The following ATRNL1 variants were observed in gnomAD, a reference collection of about 807,000 sequenced individuals.
ATRNL1 encodes attractin like 1, also known as attractin-like protein 1.
A neutral mutation model predicts 182.7 loss-of-function variants in ATRNL1; 95 were observed. The ratio of observed to expected loss-of-function variants is 0.52; its 90% CI spans 0.44 to 0.62. The LOEUF (loss-of-function observed/expected upper bound fraction) is 0.62. ATRNL1 is among the 20% of genes least tolerant of loss of function. ATRNL1 has a pLI of 0.00. For missense variants in ATRNL1, 1,471 were observed against 1,679.5 expected (o/e 0.88, Z 2.17); for synonymous variants, 576 against 568.3 (o/e 1.01, Z -0.19).
chr10:115,648,352 T>C (rs1341455129), intron 26 of ATRNL1, among the ~76,000 whole-genome samples: 1 of 152,070 alleles, frequency 6.6e-6, no homozygotes, highest in East Asian at 1.9e-4. Flanking sequence ...ATAGAAAGAA[T>C]CAATACCATG....
intron 24 of ATRNL1, among the ~76,000 whole-genome samples, chr10:115,499,294 A>C (rs1036949935): frequency 2.0e-5 from 3 of 152,200 alleles, no homozygotes; most frequent in Non-Finnish European, 4.4e-5. Flanking sequence ...TGTAGATATA[A>C]AATTCTACAT....
At chr10:115,116,467 G>A (rs1844489819) in intron 1 of ATRNL1, among the ~76,000 whole-genome samples, 1 of 151,940 alleles carries the variant, frequency 6.6e-6, no homozygotes, top group African/African-American at 2.4e-5. Flanking sequence ...TGGAAAACTA[G>A]GTGTTTATGG....
rs151090033 is a variant in ATRNL1, at chr10:115,417,589, C to T, written c.3270-8661C>T. Among the ~76,000 whole-genome samples the T allele has an allele frequency of 8.3e-3, 1,266 of 152,292 alleles. 8 individuals carry two copies. The highest frequency in any genetic ancestry group is 0.012 in the Non-Finnish European group (797 of 68,036). On this transcript the variant is annotated intron_variant, in intron 20 of 28. Coordinates refer to ENST00000355044, the MANE Select transcript of ATRNL1 (RefSeq NM_207303.4). ...GAGGTGGGCTATCCAACCTTTGTCCCACAGTAGATCCTGAGGGGACCCAGC... is the reference window on the plus strand; with the variant it reads ...GAGGTGGGCTATCCAACCTTTGTCCTACAGTAGATCCTGAGGGGACCCAGC...
intron 27 of ATRNL1, among the ~76,000 whole-genome samples, chr10:115,830,847 G>A (rs1167617027): frequency 1.3e-5 from 2 of 152,102 alleles, no homozygotes; most frequent in African/African-American, 4.8e-5. Context: ...CCTCTCTGAT[G>A]TCAGCTAATT....
intron 20 of ATRNL1, among the ~76,000 whole-genome samples, chr10:115,409,235 C>T (rs1845012498): frequency 6.6e-6 from 1 of 152,022 alleles, no homozygotes; most frequent in African/African-American, 2.4e-5. Context: ...GCATTCTCCT[C>T]AATTTTATCA....
At chr10:115,272,011 A>G (rs1392013667) in intron 13 of ATRNL1, among the ~76,000 whole-genome samples, 1 of 152,132 alleles carries the variant, frequency 6.6e-6, no homozygotes, top group Non-Finnish European at 1.5e-5. Context: ...GTTTAAAAGT[A>G]TGTGGCAACT....
intron 28 of ATRNL1, among the ~76,000 whole-genome samples, chr10:115,892,959 T>C (rs1952115963): frequency 1.3e-5 from 2 of 152,238 alleles, no homozygotes; most frequent in Admixed American, 1.3e-4. Context: ...GACAAGTTGC[T>C]TTTAAAAATT....
chr10:115,243,476 A>G (rs558049378), intron 10 of ATRNL1, among the ~76,000 whole-genome samples: 1 of 152,048 alleles, frequency 6.6e-6, no homozygotes, highest in Non-Finnish European at 1.5e-5. Flanking sequence ...GCATGGTACT[A>G]TTATCCTAAT....
At chr10:115,184,725 TAAAA>T (rs1220932952) in intron 8 of ATRNL1, among the ~76,000 whole-genome samples, 2 of 151,424 alleles carry the variant, frequency 1.3e-5, no homozygotes, top group Non-Finnish European at 3.0e-5. Flanking sequence ...AACAATTAAA[TAAAA>T]AAGGAAAGGA....
chr10:115,947,040 T>A lies in ATRNL1; in HGVS notation c.*2261T>A, dbSNP rs1953890306. 1.3e-5 allele frequency: 2 copies of A among 152,646 alleles called. No homozygotes were observed. The highest frequency in any genetic ancestry group is 4.8e-5 in the African/African-American group (2 of 41,460). The allele number at this position is 152,646 out of a possible 1,614,324, so 9.5% of individuals were successfully genotyped here. ...GAGAATTATGAGACACAATGTGATGTTTAGTTAAAGTCATGCTATACCTTT... is the reference window on the plus strand; with the variant it reads ...GAGAATTATGAGACACAATGTGATGATTAGTTAAAGTCATGCTATACCTTT... On this transcript the variant is annotated 3_prime_UTR_variant, in exon 29 of 29. Coordinates refer to ENST00000355044, the MANE Select transcript of ATRNL1 (RefSeq NM_207303.4).
At chr10:115,491,249 T>A (rs1849287830) in intron 24 of ATRNL1, among the ~76,000 whole-genome samples, 2 of 152,128 alleles carry the variant, frequency 1.3e-5, no homozygotes, top group Non-Finnish European at 2.9e-5. Flanking sequence ...GGCCGTCTGT[T>A]CCTTATCAGA....
chr10:115,197,158 T>G (rs1554891250), intron 8 of ATRNL1, among the ~76,000 whole-genome samples: 1 of 152,118 alleles, frequency 6.6e-6, no homozygotes, highest in Non-Finnish European at 1.5e-5. Context: ...TTTTCTGATT[T>G]TTTAATATGG....
chr10:115,447,802 G>C lies in ATRNL1; in HGVS notation c.3323-14139G>C, dbSNP rs567606255. On this transcript the variant is annotated intron_variant, in intron 21 of 28. Coordinates refer to ENST00000355044, the MANE Select transcript of ATRNL1 (RefSeq NM_207303.4). The stretch of plus-strand genomic sequence containing the variant: ...ATATACAAGTAGAAGTGGAATTGTA[G>C]ATTTATTAGATTTTTCCAAATTACA... Among the ~76,000 whole-genome samples the C allele has an allele frequency of 9.2e-5, 14 of 151,750 alleles. No homozygotes were observed. In the South Asian group the frequency reaches 1.0e-3, roughly 11 times the overall value.
intron 26 of ATRNL1, among the ~76,000 whole-genome samples, chr10:115,590,591 A>G (rs1555011850): frequency 1.3e-5 from 2 of 152,202 alleles, no homozygotes; most frequent in East Asian, 3.9e-4. Context: ...TTTATCATAC[A>G]TACTTCCCTT....
chr10:115,871,006 G>A (rs1451939386), intron 28 of ATRNL1, among the ~76,000 whole-genome samples: 4 of 152,146 alleles, frequency 2.6e-5, no homozygotes, highest in Non-Finnish European at 4.4e-5. Flanking sequence ...AGCAGAGGAA[G>A]TAACATTAGA....
chr10:115,798,293 A>T (rs1555083511), intron 27 of ATRNL1, among the ~76,000 whole-genome samples: 1 of 151,988 alleles, frequency 6.6e-6, no homozygotes, highest in East Asian at 1.9e-4. Flanking sequence ...AATTTGTTCC[A>T]CCTTCTCTTT....
At chr10:115,616,781 C>T (rs1857450156) in intron 26 of ATRNL1, among the ~76,000 whole-genome samples, 1 of 152,216 alleles carries the variant, frequency 6.6e-6, no homozygotes. Flanking sequence ...TGTAGATGCA[C>T]ACAGTGCAAG....
intron 27 of ATRNL1, among the ~76,000 whole-genome samples, chr10:115,810,268 A>T (rs80048345): frequency 0.041 from 6,161 of 151,960 alleles, 362 homozygotes; most frequent in African/African-American, 0.13. Context: ...TGTCTTTTGC[A>T]ACTTTAATAT....
intron 27 of ATRNL1, among the ~76,000 whole-genome samples, chr10:115,767,390 G>A (rs1948883208): frequency 6.6e-6 from 1 of 152,064 alleles, no homozygotes; most frequent in African/African-American, 2.4e-5. Flanking sequence ...TGGGAACTTT[G>A]CAGTCATCTC....
Sources: gnomAD v4.1 joint callset for allele counts (sites outside exome capture counted in the v4.1 genomes callset) on GRCh38, gnomAD v4.1.1 for gene constraint, MANE v1.5 for transcripts, NCBI Gene and HGNC (gene_info 2026-07-23, HGNC 2026-07-21) for gene names.